The following AP1S3 variants were observed in gnomAD, a reference collection of about 807,000 sequenced individuals.
AP1S3 encodes adaptor related protein complex 1 subunit sigma 3, also known as AP-1 complex subunit sigma-3.
In AP1S3, 10 loss-of-function variants were observed where a neutral mutation model predicts 20.9. The observed-to-expected ratio is 0.48, with a 90% confidence interval of 0.29 to 0.81. The LOEUF (loss-of-function observed/expected upper bound fraction) is 0.81, where lower values mean the gene tolerates loss of function less well. Ranked by LOEUF, AP1S3 falls within the 30% of genes least tolerant of loss-of-function variation. The pLI, the probability that AP1S3 is intolerant of heterozygous loss-of-function variation, is 0.08. For synonymous variants in AP1S3, 41 were observed against 61.5 expected (o/e 0.67, Z 1.56); for missense variants, 154 against 183.8 (o/e 0.84, Z 0.94).
intron 3 of AP1S3, among the ~76,000 whole-genome samples, chr2:223,774,954 T>C (rs1483830743): frequency 1.4e-5 from 2 of 147,344 alleles, no homozygotes; most frequent in South Asian, 2.2e-4. Flanking sequence ...TAGGAAGAGA[T>C]GAGGGCATTT....
rs985824558 is a variant in AP1S3 at position 223,756,971 on chromosome 2, A to G, written c.*1744T>C. 1 of 985,076 alleles carries G rather than the reference A, an allele frequency of 1.0e-6. No individual in the cohort carries two copies. Among genetic ancestry groups the G allele is most frequent in the Non-Finnish European group, 1.2e-6 (1 of 830,008 alleles). 61.0% of individuals were successfully genotyped at this position (985,076 alleles called of 1,614,324 possible). ...ATAGCAGGCAGCAAGACAGAATACT[A>G]CAAGCTTTTACTTTTTCTTTTTTTT... On this transcript the variant is annotated 3_prime_UTR_variant, in exon 5 of 5. Transcript: ENST00000396654.
chr2:223,758,292 A>C lies in AP1S3; in HGVS notation c.*423T>G, dbSNP rs748962211. On this transcript the variant is annotated 3_prime_UTR_variant, in exon 5 of 5. Coordinates refer to ENST00000396654, the MANE Select transcript of AP1S3 (RefSeq NM_001039569.2). ...TTTTGAATTATTATACAATTTAGAA[A>C]ACTAAACATTTAGAAAAAGTATTAA... The C allele has an allele frequency of 4.8e-5, 47 of 976,334 alleles. No individual in the cohort carries two copies. Among genetic ancestry groups the C allele is most frequent in the Middle Eastern group, 1.1e-3 (2 of 1,896 alleles). The allele number at this position is 976,334 out of a possible 1,614,324, so 60.5% of individuals were successfully genotyped here.
intron 1 of AP1S3, among the ~76,000 whole-genome samples, chr2:223,820,372 T>G (rs1691958346): frequency 6.6e-6 from 1 of 152,186 alleles, no homozygotes. Context: ...AAATATTTAT[T>G]GCCAGAATAT....
intron 1 of AP1S3, among the ~76,000 whole-genome samples, chr2:223,793,432 T>C (rs1574707364): frequency 6.6e-6 from 1 of 152,124 alleles, no homozygotes; most frequent in African/African-American, 2.4e-5. Context: ...GGGACATAGA[T>C]GGAGCTGGAA....
At chr2:223,832,291 T>TC (rs1314572060) in intron 1 of AP1S3, among the ~76,000 whole-genome samples, 5 of 151,852 alleles carry the variant, frequency 3.3e-5, no homozygotes, top group African/African-American at 9.7e-5. Flanking sequence ...GTGTGCTGCT[T>TC]CCTTACAGCT....
At chr2:223,818,263 A>T (rs897304580) in intron 1 of AP1S3, among the ~76,000 whole-genome samples, 13 of 152,066 alleles carry the variant, frequency 8.5e-5, no homozygotes, top group African/African-American at 2.9e-4. Flanking sequence ...CTAAAAATAT[A>T]AAAATAAGCT....
intron 1 of AP1S3, among the ~76,000 whole-genome samples, chr2:223,806,770 G>A (rs840371): frequency 7.2e-5 from 11 of 151,854 alleles, no homozygotes; most frequent in African/African-American, 2.7e-4. Context: ...TTCTTTTTGA[G>A]GTCCTAATTA....
chr2:223,826,085 C>T (rs1692121367), intron 1 of AP1S3, among the ~76,000 whole-genome samples: 1 of 152,204 alleles, frequency 6.6e-6, no homozygotes, highest in African/African-American at 2.4e-5. Flanking sequence ...CATCATTTTT[C>T]CCTGACAGAG....
intron 1 of AP1S3, among the ~76,000 whole-genome samples, chr2:223,797,653 C>A (rs937041645): frequency 6.6e-6 from 1 of 152,136 alleles, no homozygotes; most frequent in African/African-American, 2.4e-5. Flanking sequence ...ACAATCTCAA[C>A]TACCTGGGAG....
chr2:223,775,068 T>C (rs1690752092), intron 3 of AP1S3, among the ~76,000 whole-genome samples: 1 of 145,438 alleles, frequency 6.9e-6, no homozygotes, highest in African/African-American at 2.6e-5. Context: ...GAAAGCGTCA[T>C]GGTGAGCAAG....
intron 1 of AP1S3, among the ~76,000 whole-genome samples, chr2:223,780,349 AGAGAGAGAGTGTGTGT>A (rs1559280857): frequency 1.4e-4 from 10 of 69,790 alleles, no homozygotes; most frequent in African/African-American, 1.9e-4. Flanking sequence ...AGAGAGAGAG[AGAGAGAGAGTGTGTGT>A]GTGTGTGTGT....
At chr2:223,759,031 C>A (rs527650780) in intron 4 of AP1S3, among the ~76,000 whole-genome samples, 1 of 152,140 alleles carries the variant, frequency 6.6e-6, no homozygotes, top group Admixed American at 6.5e-5. Context: ...GTGGTGCTCA[C>A]GCCTGTAATA....
intron 1 of AP1S3, among the ~76,000 whole-genome samples, chr2:223,813,113 A>G (rs1320552128): frequency 2.0e-5 from 3 of 151,876 alleles, no homozygotes; most frequent in Non-Finnish European, 4.4e-5. Flanking sequence ...TACAATAAAA[A>G]TTTTTGTATT....
At chr2:223,791,183 A>T (rs1691209256) in intron 1 of AP1S3, among the ~76,000 whole-genome samples, 1 of 152,236 alleles carries the variant, frequency 6.6e-6, no homozygotes, top group Non-Finnish European at 1.5e-5. Flanking sequence ...TCATGAGGCC[A>T]GCATCATCCT....
intron 1 of AP1S3, among the ~76,000 whole-genome samples, chr2:223,791,231 AC>A (rs1383332163): frequency 1.3e-5 from 2 of 152,186 alleles, no homozygotes; most frequent in Non-Finnish European, 2.9e-5. Flanking sequence ...AACAACAACA[AC>A]AAAAACACAT....
chr2:223,826,867 A>G (rs968510017), intron 1 of AP1S3, among the ~76,000 whole-genome samples: 1 of 152,036 alleles, frequency 6.6e-6, no homozygotes, highest in African/African-American at 2.4e-5. Flanking sequence ...TATGCTTACT[A>G]TGCTAAACTC....
At chr2:223,819,375 C>A (rs1025044730) in intron 1 of AP1S3, among the ~76,000 whole-genome samples, 3 of 152,178 alleles carry the variant, frequency 2.0e-5, no homozygotes, top group African/African-American at 7.2e-5. Flanking sequence ...TTCTTTACAT[C>A]ACTCATTGGA....
At chr2:223,822,958 T>C (rs1028251602) in intron 1 of AP1S3, among the ~76,000 whole-genome samples, 5 of 151,756 alleles carry the variant, frequency 3.3e-5, no homozygotes, top group East Asian at 1.9e-4. Flanking sequence ...AAAAAAGATA[T>C]ACAGATGGCC....
rs1387175308 is a variant in AP1S3 at position 223,756,197 on chromosome 2, C to T, written c.*2518G>A. The T allele has an allele frequency of 1.1e-5, 3 of 272,624 alleles. No individual in the cohort carries two copies. The highest frequency in any genetic ancestry group is 1.7e-5 in the Non-Finnish European group (3 of 178,656). 16.9% of individuals were successfully genotyped at this position (272,624 alleles called of 1,614,324 possible). A position where few individuals can be genotyped will look rare whatever the true frequency, so the allele number is the denominator to read the frequency against. On this transcript the variant is annotated 3_prime_UTR_variant, in exon 5 of 5. Coordinates refer to ENST00000396654, the MANE Select transcript of AP1S3 (RefSeq NM_001039569.2). ...TACCAAAAATACAAAATTAGCCAGG[C>T]GTGGTGGCGCATGCCTATAATCCCA... is the stretch of plus-strand genomic sequence containing the variant.
Sources: allele counts gnomAD v4.1 joint callset (sites outside exome capture counted in the v4.1 genomes callset), GRCh38; gene constraint gnomAD v4.1.1; transcripts MANE v1.5; gene names NCBI Gene and HGNC (gene_info 2026-07-23, HGNC 2026-07-21).